Variants in IL17C observed in about 807,000 individuals in gnomAD.
IL17C encodes the protein interleukin-17C.
IL17C carries 13 observed loss-of-function variants against 11.0 expected under a neutral mutation model. That is an observed-to-expected ratio of 1.18 (90% CI 0.77 to 1.88). The LOEUF is 1.88. IL17C is among the 40% of genes most tolerant of loss of function. The probability of loss-of-function intolerance (pLI) is 0.00; values close to 1 mark genes in which losing one functional copy is unlikely to be tolerated. For synonymous variants in IL17C, 150 were observed against 125.8 expected (o/e 1.19, Z -1.29); for missense variants, 357 against 278.2 (o/e 1.28, Z -2.01).
chr16:88,639,360 G>A lies in IL17C; in HGVS notation c.335+51G>A, dbSNP rs1384307528. ...GCGTGGGGCTGCCCCTCCCCTGGCG[G>A]GGCCCTGACTGCCCGGAGAGCTCTC... On this transcript the variant is annotated intron_variant, in intron 2 of 2. Transcript: ENST00000244241. This position sits in a 1 kb window ranked among gnomAD's most constrained non-coding sequence, Gnocchi z 5.1. The A allele has an allele frequency of 2.0e-6, 3 of 1,472,602 alleles. No individual in the cohort carries two copies. Among genetic ancestry groups the A allele is most frequent in the Non-Finnish European group, 2.7e-6 (3 of 1,107,624 alleles). The allele number at this position is 1,472,602 out of a possible 1,614,324, so 91.2% of individuals were successfully genotyped here. A position where few individuals can be genotyped will look rare whatever the true frequency, so the allele number is the denominator to read the frequency against.
Position 88,639,807 on chromosome 16 carries a change from C to G in IL17C, c.336-7C>G, listed in dbSNP as rs980480903. The stretch of plus-strand genomic sequence containing the variant: ...GCCAGAGACTCACTGTGCACCCCGT[C>G]CCGCAGTGTGGACACGGATGAGGAC... On this transcript the variant is annotated splice_region_variant and splice_polypyrimidine_tract_variant and intron_variant, in intron 2 of 2. Coordinates refer to ENST00000244241, the MANE Select transcript of IL17C (RefSeq NM_013278.4). The surrounding 1 kb of genome is among the most constrained non-coding windows in gnomAD (Gnocchi z 5.1). 3.9e-6 allele frequency: 6 copies of G among 1,543,280 alleles called. No homozygotes were observed. In the African/African-American group the frequency reaches 5.4e-5, roughly 14 times the overall value.
Position 88,640,208 on chromosome 16 carries a change from G to A in IL17C, c.*136G>A, listed in dbSNP as rs1907021937. On this transcript the variant is annotated 3_prime_UTR_variant, in exon 3 of 3. Coordinates refer to ENST00000244241, the MANE Select transcript of IL17C (RefSeq NM_013278.4). ...GTCTGGGCATTCCCCGTGTCTGGAGGACAGCCCCCCACTGTTCTCCTCATC... is the reference window on the plus strand; with the variant it reads ...GTCTGGGCATTCCCCGTGTCTGGAGAACAGCCCCCCACTGTTCTCCTCATC... The A allele has an allele frequency of 8.1e-6, 8 of 990,034 alleles. No homozygotes were observed. The highest frequency in any genetic ancestry group is 1.2e-5 in the Non-Finnish European group (8 of 693,658). The allele number at this position is 990,034 out of a possible 1,614,324, so 61.3% of individuals were successfully genotyped here.
chr16:88,639,322 G>A lies in IL17C; in HGVS notation c.335+13G>A. On this transcript the variant is annotated intron_variant, in intron 2 of 2. Transcript: ENST00000244241. This position sits in a 1 kb window ranked among gnomAD's most constrained non-coding sequence, Gnocchi z 5.1. ...CCTGGAGATACCGGTGAGGACCTGGGGATTCCGCTGTGGCGTGGGGCTGCC... is the reference window on the plus strand; with the variant it reads ...CCTGGAGATACCGGTGAGGACCTGGAGATTCCGCTGTGGCGTGGGGCTGCC... The A allele has an allele frequency of 6.4e-7, 1 of 1,565,374 alleles. No individual in the cohort carries two copies. The highest frequency in any genetic ancestry group is 1.8e-5 in the Admixed American group (1 of 56,934).
chr16:88,640,252 G>A lies in IL17C; in HGVS notation c.*180G>A, dbSNP rs1033915953. 1.5e-5 allele frequency: 10 copies of A among 645,486 alleles called. No homozygotes were observed. The highest frequency in any genetic ancestry group is 2.5e-5 in the Non-Finnish European group (10 of 402,174). 40.0% of individuals were successfully genotyped at this position (645,486 alleles called of 1,614,324 possible). On this transcript the variant is annotated 3_prime_UTR_variant, in exon 3 of 3. Transcript: ENST00000244241. The stretch of plus-strand genomic sequence containing the variant: ...CCTCATCTCCAGCCTCAGTAGTTGG[G>A]GGTAGAAGGAGCTCAGCACCTCTTC...
rs1305073467 is a variant in IL17C at position 88,640,160 on chromosome 16, C to A, written c.*88C>A. On this transcript the variant is annotated 3_prime_UTR_variant, in exon 3 of 3. Transcript: ENST00000244241. ...ATGTGTATTTATTGTTATTTATATG[C>A]CTCCCCCAACACTACCCTTGGGGTC... 5.0e-6 allele frequency: 7 copies of A among 1,392,844 alleles called. No individual in the cohort carries two copies. In the African/African-American group the frequency reaches 8.7e-5, roughly 17 times the overall value. 86.3% of individuals were successfully genotyped at this position (1,392,844 alleles called of 1,614,324 possible).
At position 88,639,431 on chromosome 16, in the gene IL17C, G is replaced by A; in HGVS notation, c.335+122G>A. ...CTGTCAAGTGGGCGTGGCCACCTGA[G>A]CTCCCTCCCTCCGGCCCTCCTGACC... is the stretch of plus-strand genomic sequence containing the variant. On this transcript the variant is annotated intron_variant, in intron 2 of 2. Coordinates refer to ENST00000244241, the MANE Select transcript of IL17C (RefSeq NM_013278.4). The surrounding 1 kb of genome is among the most constrained non-coding windows in gnomAD (Gnocchi z 5.1). The A allele has an allele frequency of 1.0e-6, 1 of 978,404 alleles. No individual in the cohort carries two copies. Among genetic ancestry groups the A allele is most frequent in the Non-Finnish European group, 1.5e-6 (1 of 684,220 alleles). 60.6% of individuals were successfully genotyped at this position (978,404 alleles called of 1,614,324 possible). A position where few individuals can be genotyped will look rare whatever the true frequency, so the allele number is the denominator to read the frequency against.
rs754635910 is a variant in IL17C at position 88,639,835 on chromosome 16, C to G, written c.357C>G (p.Arg119=). ...WRYRVDTDED[R]YPQKLAFAEC... is the part of the protein sequence containing the mutation. ...GCAGTGTGGACACGGATGAGGACCG[C>G]TATCCACAGAAGCTGGCCTTCGCCG... Residue 119 remains arginine (R), a synonymous_variant, in exon 3 of 3, where the codon CGC becomes CGG. Transcript: ENST00000244241. This position sits in a 1 kb window ranked among gnomAD's most constrained non-coding sequence, Gnocchi z 5.1. 6.3e-7 allele frequency: 1 copy of G among 1,577,788 alleles called. No homozygotes were observed. Among genetic ancestry groups the G allele is most frequent in the Non-Finnish European group, 8.6e-7 (1 of 1,162,834 alleles).
chr16:88,639,267 A>C lies in IL17C; in HGVS notation c.293A>C (p.Glu98Ala), dbSNP rs1251541906. The change falls in exon 2 of 3, where the codon GAG (glutamate) becomes GCG (alanine). Residue 98 changes from glutamate (E) to alanine (A), a missense_variant. Coordinates refer to ENST00000244241, the MANE Select transcript of IL17C (RefSeq NM_013278.4). The surrounding 1 kb of genome is among the most constrained non-coding windows in gnomAD (Gnocchi z 5.1). ...CPVLRPEEVL[E>A]ADTHQRSISP... ...GTGCTGCGGCCGGAGGAGGTGTTGG[A>C]GGCAGACACCCACCAGCGCTCCATC... 3.1e-6 allele frequency: 5 copies of C among 1,611,118 alleles called. No individual in the cohort carries two copies. Among genetic ancestry groups the C allele is most frequent in the Non-Finnish European group, 4.2e-6 (5 of 1,179,234 alleles).
chr16:88,639,752 G>A lies in IL17C; in HGVS notation c.336-62G>A, dbSNP rs185383821. Reference sequence around the variant, plus strand: ...GAGTACACGGAGAGGGGCCCTGAGGGGAGAGGGGCCTCCAGGAGGACAGGG... The same window carrying A: ...GAGTACACGGAGAGGGGCCCTGAGGAGAGAGGGGCCTCCAGGAGGACAGGG... On this transcript the variant is annotated intron_variant, in intron 2 of 2. Coordinates refer to ENST00000244241, the MANE Select transcript of IL17C (RefSeq NM_013278.4). The surrounding 1 kb of genome is among the most constrained non-coding windows in gnomAD (Gnocchi z 5.1). 3,567 of 1,462,048 alleles carry A rather than the reference G, an allele frequency of 2.4e-3. 16 individuals are homozygous for A. Among genetic ancestry groups the A allele is most frequent in the South Asian group, 9.3e-3 (680 of 72,808 alleles). The allele number at this position is 1,462,048 out of a possible 1,614,324, so 90.6% of individuals were successfully genotyped here.
Position 88,639,795 on chromosome 16 carries a change from T to C in IL17C, c.336-19T>C, listed in dbSNP as rs771428549. On this transcript the variant is annotated intron_variant, in intron 2 of 2. Transcript: ENST00000244241. This position sits in a 1 kb window ranked among gnomAD's most constrained non-coding sequence, Gnocchi z 5.1. ...GGACAGGGTAGGGCCAGAGACTCAC[T>C]GTGCACCCCGTCCCGCAGTGTGGAC... 2.0e-6 allele frequency: 3 copies of C among 1,523,130 alleles called. No homozygotes were observed. Among genetic ancestry groups the C allele is most frequent in the African/African-American group, 2.7e-5 (2 of 73,234 alleles). 94.4% of individuals were successfully genotyped at this position (1,523,130 alleles called of 1,614,324 possible).
In IL17C at chr16:88,639,541, G is replaced by A. The variant is rs767233790; in HGVS notation, c.335+232G>A. The stretch of plus-strand genomic sequence containing the variant: ...CCAGGGTCCCCTGGGGAAATTCTGG[G>A]CCCGTCACCTGAGCTCCTGCAGAAG... On this transcript the variant is annotated intron_variant, in intron 2 of 2. Transcript: ENST00000244241. This position sits in a 1 kb window ranked among gnomAD's most constrained non-coding sequence, Gnocchi z 5.1. 6.6e-6 allele frequency among the ~76,000 whole-genome samples: 1 copy of A among 152,150 alleles called. No individual in the cohort carries two copies. Among genetic ancestry groups the A allele is most frequent in the Non-Finnish European group, 1.5e-5 (1 of 68,012 alleles).
rs1907026521 is a variant in IL17C at position 88,640,352 on chromosome 16, T to A, written c.*280T>A. The A allele has an allele frequency of 2.4e-6, 1 of 416,906 alleles. No individual in the cohort carries two copies. The highest frequency in any genetic ancestry group is 4.3e-6 in the Non-Finnish European group (1 of 233,998). 25.8% of individuals were successfully genotyped at this position (416,906 alleles called of 1,614,324 possible). On this transcript the variant is annotated 3_prime_UTR_variant, in exon 3 of 3. Transcript: ENST00000244241. Reference sequence around the variant, plus strand: ...CTCCCTGTCCTGCTCCCGGCTTCCCTTACCCTATCACTGGCCTCAGGCCCC... The same window carrying A: ...CTCCCTGTCCTGCTCCCGGCTTCCCATACCCTATCACTGGCCTCAGGCCCC...
At position 88,639,404 on chromosome 16, in the gene IL17C, A is replaced by G; in HGVS notation, c.335+95A>G. ...AGCTCTCTGGGCCTTGGTGGTTCTC[A>G]CCTGTCAAGTGGGCGTGGCCACCTG... On this transcript the variant is annotated intron_variant, in intron 2 of 2. Transcript: ENST00000244241. This position sits in a 1 kb window ranked among gnomAD's most constrained non-coding sequence, Gnocchi z 5.1. The G allele has an allele frequency of 8.0e-7, 1 of 1,248,102 alleles. No homozygotes were observed. Among genetic ancestry groups the G allele is most frequent in the Non-Finnish European group, 1.1e-6 (1 of 927,222 alleles). The allele number at this position is 1,248,102 out of a possible 1,614,324, so 77.3% of individuals were successfully genotyped here. A position where few individuals can be genotyped will look rare whatever the true frequency, so the allele number is the denominator to read the frequency against.
chr16:88,640,059 C>G lies in IL17C; in HGVS notation c.581C>G (p.Pro194Arg), dbSNP rs769756618. 6.4e-7 allele frequency: 1 copy of G among 1,565,862 alleles called. No homozygotes were observed. Among genetic ancestry groups the G allele is most frequent in the African/African-American group, 1.4e-5 (1 of 73,934 alleles). Residue 194 changes from proline to arginine, a missense_variant, in exon 3 of 3, where the codon CCC becomes CGC. By Grantham distance (103) the Pro-to-Arg change is moderately radical (BLOSUM62 -2). Coordinates refer to ENST00000244241, the MANE Select transcript of IL17C (RefSeq NM_013278.4). Reference sequence around the variant, plus strand: ...CCCGTCGGCTGCACCTGCGTGCTGCCCCGTTCAGTGTGACCGCCGAGGCCG... The same window carrying G: ...CCCGTCGGCTGCACCTGCGTGCTGCGCCGTTCAGTGTGACCGCCGAGGCCG... Reference protein sequence around the residue: ...HVPVGCTCVLPRSV With the variant: ...HVPVGCTCVLRRSV
intron 1 of IL17C, 90 bp from the exon 2 acceptor site, chr16:88,638,891 C>G (rs941189861): frequency 8.4e-6 from 11 of 1,314,402 alleles, no homozygotes; most frequent in Non-Finnish European, 1.2e-5. Flanking sequence ...TGTACTCCAT[C>G]TTTCCGCTGG....
In IL17C at chr16:88,639,135, G is replaced by A. The variant is rs202143365; in HGVS notation, c.161G>A (p.Arg54Gln). 224 of 1,612,978 alleles carry A rather than the reference G, an allele frequency of 1.4e-4. No homozygotes were observed. The highest frequency in any genetic ancestry group is 8.8e-4 in the South Asian group (80 of 91,072). Residue 54 changes from arginine (R) to glutamine (Q), a missense_variant, in exon 2 of 3, where the codon CGA becomes CAA. Coordinates refer to ENST00000244241, the MANE Select transcript of IL17C (RefSeq NM_013278.4). This position sits in a 1 kb window ranked among gnomAD's most constrained non-coding sequence, Gnocchi z 5.1. ...LGQAPPHLLA[R>Q]GAKWGQALPV... ...CAGGCCCCCCCACACCTGCTGGCTC[G>A]AGGTGCCAAGTGGGGGCAGGCTTTG...
Position 88,639,869 on chromosome 16 carries a change from TG to T in IL17C, c.392del (p.Cys131SerfsTer126). Reference protein sequence around the residue: ...PQKLAFAECLCRGCIDARTGR... With the variant: ...PQKLAFAECLXRGCIDARTGR... The stretch of plus-strand genomic sequence containing the variant: ...GAAGCTGGCCTTCGCCGAGTGCCTG[TG>T]CAGAGGCTGTATCGATGCACGGACG... On this transcript the variant is annotated frameshift_variant, in exon 3 of 3. Coordinates refer to ENST00000244241, the MANE Select transcript of IL17C (RefSeq NM_013278.4). The surrounding 1 kb of genome is among the most constrained non-coding windows in gnomAD (Gnocchi z 5.1). 1 of 1,603,336 alleles carries T rather than the reference TG, an allele frequency of 6.2e-7. No homozygotes were observed. The highest frequency in any genetic ancestry group is 8.5e-7 in the Non-Finnish European group (1 of 1,176,158).
Position 88,639,810 on chromosome 16 carries a change from G to T in IL17C, c.336-4G>T, listed in dbSNP as rs768943905. ...AGAGACTCACTGTGCACCCCGTCCC[G>T]CAGTGTGGACACGGATGAGGACCGC... is the stretch of plus-strand genomic sequence containing the variant. On this transcript the variant is annotated splice_region_variant and splice_polypyrimidine_tract_variant and intron_variant, in intron 2 of 2. Transcript: ENST00000244241. This position sits in a 1 kb window ranked among gnomAD's most constrained non-coding sequence, Gnocchi z 5.1. The T allele has an allele frequency of 1.2e-5, 19 of 1,547,470 alleles. No homozygotes were observed. Among genetic ancestry groups the T allele is most frequent in the Admixed American group, 7.6e-5 (4 of 52,396 alleles).
rs746506428 is a variant in IL17C, at chr16:88,638,602, G to A, written c.-40G>A. 5.0e-6 allele frequency: 8 copies of A among 1,611,666 alleles called. No homozygotes were observed. The highest frequency in any genetic ancestry group is 5.9e-6 in the Non-Finnish European group (7 of 1,179,946). ...CACCTGTGGGATTGCCGCCAGGTGT[G>A]CAGGCCGCTCCAAGCCCAGCCTGCC... On this transcript the variant is annotated 5_prime_UTR_variant, in exon 1 of 3. Coordinates refer to ENST00000244241, the MANE Select transcript of IL17C (RefSeq NM_013278.4).
Sources: gnomAD v4.1 joint callset for allele counts (sites outside exome capture counted in the v4.1 genomes callset) on GRCh38, gnomAD v4.1.1 for gene constraint, Gnocchi (gnomAD v3.1) non-coding constraint, MANE v1.5 for transcripts, NCBI Gene and HGNC (gene_info 2026-07-23, HGNC 2026-07-21) for gene names.